Variants in HSP90AA1 observed in about 807,000 individuals in gnomAD.
HSP90AA1 encodes the protein heat shock protein HSP 90-alpha.
In HSP90AA1, 18 loss-of-function variants were observed where a neutral mutation model predicts 73.3. The observed-to-expected ratio is 0.25, with a 90% CI of 0.17 to 0.36. HSP90AA1 has a LOEUF of 0.36. Ranked by LOEUF, HSP90AA1 falls within the 10% of genes least tolerant of loss-of-function variation. The probability of loss-of-function intolerance (pLI) is 1.00; values close to 1 mark genes in which losing one functional copy is unlikely to be tolerated. For synonymous variants in HSP90AA1, 477 were observed against 296.9 expected (o/e 1.61, Z -6.24); for missense variants, 704 against 874.2 (o/e 0.81, Z 2.45).
At chr14:102,082,612 A>G (rs1706501055) in intron 9 of HSP90AA1, 168 bp from the exon 10 acceptor site, 1 of 639,030 alleles carries the variant, frequency 1.6e-6, no homozygotes, top group Non-Finnish European at 2.7e-6. Flanking sequence ...TTATAATTTC[A>G]TGTTTTACAT....
At chr14:102,088,612 G>T (rs933153675), upstream of HSP90AA1, among the ~76,000 whole-genome samples, 2 of 152,216 alleles carry the variant, frequency 1.3e-5, no homozygotes, top group Non-Finnish European at 2.9e-5. Context: ...TCCTGTGGTA[G>T]CTGTTGCGCA....
At chr14:102,088,767 T>C (rs1248596077), upstream of HSP90AA1, among the ~76,000 whole-genome samples, 1 of 152,166 alleles carries the variant, frequency 6.6e-6, no homozygotes, top group Non-Finnish European at 1.5e-5. Flanking sequence ...GCCTGTTTCC[T>C]TCCTGTCACC....
At chr14:102,104,387 A>AT (rs1239371978) in intron 1 of HSP90AA1, among the ~76,000 whole-genome samples, 1 of 151,622 alleles carries the variant, frequency 6.6e-6, no homozygotes, top group Non-Finnish European at 1.5e-5. Context: ...TTTTTTTTGT[A>AT]TTTTTAGTAG....
At chr14:102,121,816 C>A (rs1354738195) in intron 1 of HSP90AA1, among the ~76,000 whole-genome samples, 1 of 152,074 alleles carries the variant, frequency 6.6e-6, no homozygotes, top group Non-Finnish European at 1.5e-5. Flanking sequence ...TGCTTATGTC[C>A]TTTGCCTATT....
At chr14:102,099,710 C>T (rs1406432248) in intron 2 of HSP90AA1, among the ~76,000 whole-genome samples, 1 of 152,182 alleles carries the variant, frequency 6.6e-6, no homozygotes, top group Non-Finnish European at 1.5e-5. Context: ...AGGCCAGTGG[C>T]TGATGTTCTT....
exon 1 of HSP90AA1, chr14:102,139,644 G>T (rs577664351): frequency 1.6e-6 from 1 of 641,430 alleles, no homozygotes; most frequent in Non-Finnish European, 2.7e-6. Flanking sequence ...AGCTGAAGCC[G>T]GCATCACCTG....
At chr14:102,114,469 A>G (rs957992335) in intron 1 of HSP90AA1, among the ~76,000 whole-genome samples, 5 of 152,188 alleles carry the variant, frequency 3.3e-5, no homozygotes, top group Non-Finnish European at 5.9e-5. Flanking sequence ...GGTATTCTAC[A>G]TGGGCAATTT....
intron 1 of HSP90AA1, among the ~76,000 whole-genome samples, chr14:102,124,154 G>C (rs185347232): frequency 6.6e-6 from 1 of 151,280 alleles, no homozygotes; most frequent in Admixed American, 6.6e-5. Context: ...CTATTTGACA[G>C]AGAAAGTAGA....
intron 1 of HSP90AA1, among the ~76,000 whole-genome samples, chr14:102,138,208 C>T (rs1439364914): frequency 1.1e-4 from 6 of 54,954 alleles, no homozygotes; most frequent in Non-Finnish European, 3.0e-4. Flanking sequence ...CTTTTGCTCG[C>T]TGGGTTTTTT....
At chr14:102,112,464 G>A (rs763714339) in intron 1 of HSP90AA1, among the ~76,000 whole-genome samples, 18 of 152,096 alleles carry the variant, frequency 1.2e-4, no homozygotes, top group East Asian at 3.8e-4. Context: ...GTGAGCCACC[G>A]TGCCTGGCTC....
rs1595657261 is a variant in HSP90AA1, at chr14:102,084,684, C to T, written c.978G>A (p.Val326=). 1 of 1,613,780 alleles carries T rather than the reference C, an allele frequency of 6.2e-7. No individual in the cohort carries two copies. The highest frequency in any genetic ancestry group is 8.5e-7 in the Non-Finnish European group (1 of 1,179,732). Reference sequence around the variant, plus strand: ...GAAGCACCCATCAGTCACTCACCTTCACTGCCAAGTGATCTTCCCAGTCAT... The same window carrying T: ...GAAGCACCCATCAGTCACTCACCTTTACTGCCAAGTGATCTTCCCAGTCAT... ...LTNDWEDHLA[V]KHFSVEGQLE... is the part of the protein sequence containing the mutation. The change falls in exon 5 of 11, where the codon GTG becomes GTA. Residue 326 remains valine, a synonymous_variant. Coordinates refer to ENST00000216281, the MANE Select transcript of HSP90AA1 (RefSeq NM_005348.4).
chr14:102,133,314 C>A (rs953127646), intron 1 of HSP90AA1, among the ~76,000 whole-genome samples: 1 of 151,990 alleles, frequency 6.6e-6, no homozygotes, highest in Non-Finnish European at 1.5e-5. Context: ...ATAATTAACA[C>A]ATGCTGATAA....
At chr14:102,087,176 G>A (rs990390269), upstream of HSP90AA1, 18 of 982,398 alleles carry the variant, frequency 1.8e-5, no homozygotes, top group Non-Finnish European at 2.2e-5. Context: ...CTACGCATGC[G>A]CCGTTGCCGC....
rs540278270 is a variant in HSP90AA1 at position 102,096,167 on chromosome 14, G to A, written c.366+5708C>T. ...CTAATGGGGCACCATGGTCAGACCT[G>A]ACCAGGGGACCTGGTAATTTAAGAA... On this transcript the variant is annotated intron_variant, in intron 2 of 11. Coordinates refer to the HSP90AA1 transcript ENST00000334701. Among the ~76,000 whole-genome samples the A allele has an allele frequency of 1.5e-3, 231 of 152,314 alleles. 1 individual carries two copies. Among genetic ancestry groups the A allele is most frequent in the African/African-American group, 5.5e-3 (229 of 41,578 alleles).
upstream of HSP90AA1, among the ~76,000 whole-genome samples, chr14:102,092,026 T>C (rs2049365331): frequency 6.6e-6 from 1 of 152,144 alleles, no homozygotes; most frequent in African/African-American, 2.4e-5. Context: ...TTTTACATGT[T>C]TTACTTTTCA....
chr14:102,123,443 T>C (rs2049803223), intron 1 of HSP90AA1, among the ~76,000 whole-genome samples: 1 of 151,958 alleles, frequency 6.6e-6, no homozygotes, highest in South Asian at 2.1e-4. Context: ...ATTTCTACAA[T>C]GTTGAGTCTT....
At chr14:102,117,755 C>T (rs1003374448) in intron 1 of HSP90AA1, among the ~76,000 whole-genome samples, 3 of 152,146 alleles carry the variant, frequency 2.0e-5, no homozygotes, top group Non-Finnish European at 2.9e-5. Context: ...TTAAAACATG[C>T]CCACTGCTCA....
intron 1 of HSP90AA1, among the ~76,000 whole-genome samples, chr14:102,136,905 C>CA (rs1213214036): frequency 0.027 from 2,726 of 99,168 alleles, 71 homozygotes; most frequent in African/African-American, 0.082. Flanking sequence ...AAAAAGGAAA[C>CA]AAAAAAAAAA....
rs551428927 is a variant in HSP90AA1, at chr14:102,108,609, T to C, written c.156-6524A>G. Among the ~76,000 whole-genome samples, 6 of 151,088 alleles carry C rather than the reference T, an allele frequency of 4.0e-5. No homozygotes were observed. In the South Asian group the frequency reaches 1.3e-3, roughly 32 times the overall value. On this transcript the variant is annotated intron_variant, in intron 1 of 11. Transcript: ENST00000334701. ...GGAGTGCAATGGCGTGATCTTGGCT[T>C]ACTGCAGCCTCAACCTCCTGGGTTT...
Sources: gnomAD v4.1 joint callset for allele counts (sites outside exome capture counted in the v4.1 genomes callset) on GRCh38, gnomAD v4.1.1 for gene constraint, MANE v1.5 for transcripts, NCBI Gene and HGNC (gene_info 2026-07-23, HGNC 2026-07-21) for gene names.